The following MEIG1 variants were observed in gnomAD, a reference collection of about 807,000 sequenced individuals.
MEIG1 encodes meiosis/spermiogenesis associated 1.
MEIG1 carries 12 observed loss-of-function variants against 11.3 expected under a neutral mutation model. The observed-to-expected ratio is 1.07, with a 90% CI of 0.68 to 1.73. MEIG1 has a LOEUF of 1.73. Among genes scored for constraint, MEIG1 ranks in the 40% most tolerant of loss-of-function variants. MEIG1 has a pLI of 0.00. For missense variants in MEIG1, 119 were observed against 104.9 expected, an observed-to-expected ratio of 1.13 and a Z score of -0.59; for synonymous variants, 41 against 33.2, an observed-to-expected ratio of 1.24 and a Z score of -0.81.
upstream of MEIG1, among the ~76,000 whole-genome samples, chr10:14,956,167 G>A (rs554250963): frequency 6.6e-6 from 1 of 152,206 alleles, no homozygotes; most frequent in African/African-American, 2.4e-5. Flanking sequence ...GCATAGCCCA[G>A]ACCAAACCTA....
downstream of MEIG1, among the ~76,000 whole-genome samples, chr10:14,973,406 G>C (rs890609735): frequency 6.6e-6 from 1 of 152,072 alleles, no homozygotes; most frequent in African/African-American, 2.4e-5. Flanking sequence ...GGGCAAACTG[G>C]AAGTGTCAAG....
chr10:14,981,930 T>C (rs1268800567), intron 1 of MEIG1, among the ~76,000 whole-genome samples: 1 of 152,294 alleles, frequency 6.6e-6, no homozygotes, highest in East Asian at 1.9e-4. Context: ...CCATTCTCTT[T>C]GCGCTTTTCC....
chr10:14,987,045 A>C, intron 2 of MEIG1: 1 of 603,768 alleles, frequency 1.7e-6, no homozygotes, highest in Non-Finnish European at 2.9e-6. Flanking sequence ...GGTAGTGCAG[A>C]GGGAGACAGA....
At chr10:14,963,830 G>A (rs957980293) in intron 1 of MEIG1, among the ~76,000 whole-genome samples, 1 of 152,122 alleles carries the variant, frequency 6.6e-6, no homozygotes, top group Admixed American at 6.6e-5. Context: ...AAGGCGTGGT[G>A]GCTCACGCCT....
rs118020814 is a variant in MEIG1 at position 14,982,675 on chromosome 10, C to T, written n.67-4121C>T. ...GGGCATTTGGATCCCCGTTTTGGGT[C>T]GTAGACGAGCTGCCAAGGGAGGGGT... On this transcript the variant is annotated intron_variant and non_coding_transcript_variant, in intron 1 of 2. Coordinates refer to the MEIG1 transcript ENST00000467536. Among the ~76,000 whole-genome samples, 684 of 152,068 alleles carry T rather than the reference C, an allele frequency of 4.5e-3. 2 individuals are homozygous for T. The highest frequency in any genetic ancestry group is 5.1e-3 in the Non-Finnish European group (344 of 67,988).
downstream of MEIG1, among the ~76,000 whole-genome samples, chr10:14,977,723 A>T (rs559037121): frequency 1.4e-4 from 22 of 151,950 alleles, no homozygotes; most frequent in African/African-American, 4.1e-4. Context: ...ACTTCTAGTA[A>T]CCCACAGAGG....
chr10:14,965,675 TGAGAGAGAGAGAGAGAGA>T (rs749211535), intron 1 of MEIG1, among the ~76,000 whole-genome samples: 4 of 101,152 alleles, frequency 4.0e-5, no homozygotes, highest in African/African-American at 7.8e-5. Flanking sequence ...ATTCCCTTTT[TGAGAGAGAGAGAGAGAGA>T]GAGAGAGAGA....
intron 1 of MEIG1, among the ~76,000 whole-genome samples, chr10:14,964,988 T>C (rs962528494): frequency 6.6e-6 from 1 of 152,112 alleles, no homozygotes; most frequent in African/African-American, 2.4e-5. Flanking sequence ...GGTTTCACCA[T>C]GTTGGCCAGG....
chr10:14,974,181 G>A (rs1370296263), downstream of MEIG1, among the ~76,000 whole-genome samples: 1 of 152,016 alleles, frequency 6.6e-6, no homozygotes, highest in East Asian at 1.9e-4. Flanking sequence ...TCCATCTGGG[G>A]GTTGGTTCCT....
chr10:14,964,561 A>AAG (rs1243787587), intron 1 of MEIG1, among the ~76,000 whole-genome samples: 4 of 115,342 alleles, frequency 3.5e-5, no homozygotes, highest in Non-Finnish European at 3.3e-5. Flanking sequence ...ATATGTATAT[A>AAG]AGAGTGTGTG....
At chr10:14,957,121 A>T (rs1842960181), upstream of MEIG1, among the ~76,000 whole-genome samples, 2 of 152,212 alleles carry the variant, frequency 1.3e-5, no homozygotes, top group Admixed American at 1.3e-4. Flanking sequence ...TAATGCAAGT[A>T]ATTACTGTCT....
At chr10:14,974,465 C>T (rs917654896), downstream of MEIG1, among the ~76,000 whole-genome samples, 11 of 152,022 alleles carry the variant, frequency 7.2e-5, no homozygotes, top group Non-Finnish European at 1.5e-4. Context: ...CCCAAAAACA[C>T]GCCTCTCCAC....
chr10:14,975,547 C>A (rs1178817187), downstream of MEIG1, among the ~76,000 whole-genome samples: 1 of 151,958 alleles, frequency 6.6e-6, no homozygotes, highest in African/African-American at 2.4e-5. Context: ...GATGATAATA[C>A]CCCCCATACC....
At chr10:14,968,117 G>A (rs756271148) in intron 2 of MEIG1, among the ~76,000 whole-genome samples, 3 of 152,140 alleles carry the variant, frequency 2.0e-5, no homozygotes, top group African/African-American at 4.8e-5. Flanking sequence ...ATTCTAATGT[G>A]TAGATTTTGC....
At chr10:14,961,477 A>G (rs968074960) in intron 1 of MEIG1, among the ~76,000 whole-genome samples, 3 of 151,574 alleles carry the variant, frequency 2.0e-5, no homozygotes, top group African/African-American at 7.3e-5. Context: ...TGTCAAATTT[A>G]TTTATTTTTT....
chr10:14,965,182 C>T (rs1174568505), intron 1 of MEIG1, among the ~76,000 whole-genome samples: 2 of 152,212 alleles, frequency 1.3e-5, no homozygotes, highest in African/African-American at 4.8e-5. Flanking sequence ...AATTTATTTA[C>T]AGGATCTGAC....
intron 1 of MEIG1, among the ~76,000 whole-genome samples, chr10:14,983,171 A>G (rs1471066234): frequency 6.6e-6 from 1 of 152,118 alleles, no homozygotes; most frequent in African/African-American, 2.4e-5. Context: ...CCACCCGGTG[A>G]TATTGATCCG....
intron 1 of MEIG1, among the ~76,000 whole-genome samples, chr10:14,980,168 G>GTGTGGTT (rs1843249928): frequency 6.6e-6 from 1 of 152,002 alleles, no homozygotes; most frequent in Non-Finnish European, 1.5e-5. Flanking sequence ...GTCACAGGGG[G>GTGTGGTT]TGTGGTTTCT....
chr10:14,973,627 G>C (rs1398515259), downstream of MEIG1, among the ~76,000 whole-genome samples: 6 of 152,154 alleles, frequency 3.9e-5, no homozygotes, highest in Middle Eastern at 3.4e-3. Context: ...AAAATTAGCT[G>C]GGAGTGGTGG....
Sources: allele counts gnomAD v4.1 joint callset (sites outside exome capture counted in the v4.1 genomes callset), GRCh38; gene constraint gnomAD v4.1.1; transcripts MANE v1.5; gene names NCBI Gene and HGNC (gene_info 2026-07-23, HGNC 2026-07-21).